CDH18: variants seen among roughly 807,000 people sequenced by gnomAD.
CDH18 encodes the protein cadherin 18.
A neutral mutation model predicts 67.9 loss-of-function variants in CDH18; 31 were observed. The ratio of observed to expected loss-of-function variants is 0.46; its 90% confidence interval spans 0.34 to 0.62. The LOEUF (loss-of-function observed/expected upper bound fraction) is 0.62, where lower values mean the gene tolerates loss of function less well. Ranked by LOEUF, CDH18 falls within the 20% of genes least tolerant of loss-of-function variation. The pLI is 0.01. For synonymous variants in CDH18, 362 were observed against 347.2 expected (o/e 1.04, Z -0.48); for missense variants, 890 against 975.5 (o/e 0.91, Z 1.17).
chr5:19,530,922 G>A (rs547999660), intron 9 of CDH18, among the ~76,000 whole-genome samples: 4 of 152,182 alleles, frequency 2.6e-5, no homozygotes, highest in East Asian at 1.9e-4. Context: ...GCAATGCCTC[G>A]CCCTGCTTCG....
rs894886651 is a variant in CDH18, at chr5:20,443,037, G to A, written c.-580+132425C>T. Among the ~76,000 whole-genome samples, 22 of 149,942 alleles carry A rather than the reference G, an allele frequency of 1.5e-4. 1 individual carries two copies. The highest frequency in any genetic ancestry group is 5.5e-4 in the African/African-American group (22 of 40,222). On this transcript the variant is annotated intron_variant, in intron 1 of 14. Coordinates refer to the CDH18 transcript ENST00000507958. ...ATCCCGGCTAAAACGGTGAAACCCCGTCTCTACTAAAAATACAAAAAAATT... is the reference window on the plus strand; with the variant it reads ...ATCCCGGCTAAAACGGTGAAACCCCATCTCTACTAAAAATACAAAAAAATT...
Position 20,143,830 on chromosome 5 carries a change from C to T in CDH18, c.-518+111614G>A, listed in dbSNP as rs552498908. 2.8e-3 allele frequency among the ~76,000 whole-genome samples: 422 copies of T among 152,154 alleles called. 2 individuals are homozygous for T. Among genetic ancestry groups the T allele is most frequent in the Admixed American group, 4.7e-3 (71 of 15,266 alleles). On this transcript the variant is annotated intron_variant, in intron 2 of 14. Transcript: ENST00000507958. ...ATTTTGGCTTATTCAGATCGCATAC[C>T]GTGGAAACAGGGCCAAGGATGCAGC... is the stretch of plus-strand genomic sequence containing the variant.
intron 5 of CDH18, among the ~76,000 whole-genome samples, chr5:19,719,139 C>T (rs1308721246): frequency 1.3e-5 from 2 of 151,908 alleles, no homozygotes; most frequent in Non-Finnish European, 2.9e-5. Flanking sequence ...GTTTGTTAAC[C>T]AATTGTATGC....
Position 19,755,427 on chromosome 5 carries a change from G to GTATACA in CDH18, c.229-8192_229-8191insTGTATA, listed in dbSNP as rs1373982305. 1.0e-3 allele frequency among the ~76,000 whole-genome samples: 45 copies of GTATACA among 44,674 alleles called. 2 individuals carry two copies. Among genetic ancestry groups the GTATACA allele is most frequent in the African/African-American group, 2.8e-3 (44 of 15,688 alleles). 29.3% of individuals were successfully genotyped at this position (44,674 alleles called of 152,430 possible). A position where few individuals can be genotyped will look rare whatever the true frequency, so the allele number is the denominator to read the frequency against. On this transcript the variant is annotated intron_variant, in intron 3 of 12. Coordinates refer to ENST00000382275, the MANE Select transcript of CDH18 (RefSeq NM_004934.5). ...TCTCTAGAGGGACAGAACTAACAGG[G>GTATACA]TATGTATATATATATATATATATAT...
chr5:19,983,065 C>T (rs991120374), intron 1 of CDH18, among the ~76,000 whole-genome samples: 9 of 144,560 alleles, frequency 6.2e-5, no homozygotes, highest in African/African-American at 1.3e-4. Flanking sequence ...AAATTAAAGA[C>T]ATAATGGAGA....
At chr5:19,733,134 C>T (rs2121491) in intron 4 of CDH18, among the ~76,000 whole-genome samples, 147,205 of 152,196 alleles carry the variant, frequency 0.97, 71,374 homozygotes, top group Middle Eastern at 1. Context: ...CAGGGGTGGG[C>T]ATCCCATGAA....
intron 2 of CDH18, among the ~76,000 whole-genome samples, chr5:19,913,321 G>A: frequency 6.6e-6 from 1 of 152,058 alleles, no homozygotes; most frequent in African/African-American, 2.4e-5. Context: ...CATATCTGTT[G>A]ATGTAATTGT....
chr5:20,195,375 T>G (rs1377513181), intron 2 of CDH18, among the ~76,000 whole-genome samples: 1 of 152,080 alleles, frequency 6.6e-6, no homozygotes. Context: ...GGGTATTACT[T>G]TTGTTCTCTC....
chr5:19,996,312 T>A (rs1222986781), intron 2 of CDH18, among the ~76,000 whole-genome samples: 1 of 152,110 alleles, frequency 6.6e-6, no homozygotes, highest in Non-Finnish European at 1.5e-5. Flanking sequence ...ATATTTTCAG[T>A]AAATTATCAG....
At chr5:19,539,342 T>C (rs566301665) in intron 9 of CDH18, among the ~76,000 whole-genome samples, 1 of 152,292 alleles carries the variant, frequency 6.6e-6, no homozygotes, top group Non-Finnish European at 1.5e-5. Flanking sequence ...ATACCTATAT[T>C]TTACCAAGTA....
At chr5:19,620,264 G>T (rs1471828480) in intron 5 of CDH18, among the ~76,000 whole-genome samples, 1 of 152,196 alleles carries the variant, frequency 6.6e-6, no homozygotes, top group Non-Finnish European at 1.5e-5. Context: ...TGTGAATTAA[G>T]AATTCCTTAA....
In CDH18 at chr5:19,744,181, ACT is replaced by A. The variant is rs370157834; in HGVS notation, c.523+2759_523+2760del. Among the ~76,000 whole-genome samples, 358 of 152,032 alleles carry A rather than the reference ACT, an allele frequency of 2.4e-3. 2 individuals carry two copies. The highest frequency in any genetic ancestry group is 7.8e-3 in the African/African-American group (325 of 41,474). ...TCAGCTTAAGGTTTCCCATAAAATAACTCTTTCAATAGAATCTTGCCTGAAAC... is the reference window on the plus strand; with the variant it reads ...TCAGCTTAAGGTTTCCCATAAAATAACTTTCAATAGAATCTTGCCTGAAAC... On this transcript the variant is annotated intron_variant, in intron 4 of 12. Transcript: ENST00000382275.
intron 1 of CDH18, among the ~76,000 whole-genome samples, chr5:20,575,060 A>C (rs1759042093): frequency 6.6e-6 from 1 of 152,118 alleles, no homozygotes; most frequent in Non-Finnish European, 1.5e-5. Flanking sequence ...ACTGATAGTT[A>C]ACACAGCAAT....
At chr5:20,116,614 A>C (rs1000489956) in intron 2 of CDH18, among the ~76,000 whole-genome samples, 4 of 152,180 alleles carry the variant, frequency 2.6e-5, no homozygotes, top group Non-Finnish European at 5.9e-5. Context: ...CAAATTAACC[A>C]CTTTCAATCT....
intron 1 of CDH18, among the ~76,000 whole-genome samples, chr5:20,518,786 T>C (rs1274553033): frequency 6.6e-6 from 1 of 152,174 alleles, no homozygotes; most frequent in Non-Finnish European, 1.5e-5. Flanking sequence ...AAAATCCATA[T>C]GCAGCAAGAG....
At chr5:20,492,193 A>G (rs1581102208) in intron 1 of CDH18, among the ~76,000 whole-genome samples, 1 of 151,982 alleles carries the variant, frequency 6.6e-6, no homozygotes, top group East Asian at 1.9e-4. Context: ...TTTTTTTGCC[A>G]GAATAAAACT....
At chr5:19,652,540 A>G (rs1755730171) in intron 5 of CDH18, among the ~76,000 whole-genome samples, 1 of 152,202 alleles carries the variant, frequency 6.6e-6, no homozygotes, top group Non-Finnish European at 1.5e-5. Flanking sequence ...AAAAAAAAGA[A>G]TTTAAGAATG....
chr5:19,537,314 G>A (rs753100457), intron 9 of CDH18, among the ~76,000 whole-genome samples: 61 of 152,084 alleles, frequency 4.0e-4, no homozygotes, highest in Non-Finnish European at 5.9e-4. Context: ...TTTGGGATGT[G>A]ATAGCTTCCA....
intron 2 of CDH18, among the ~76,000 whole-genome samples, chr5:19,849,987 A>G (rs1581638777): frequency 6.6e-6 from 1 of 151,770 alleles, no homozygotes; most frequent in Non-Finnish European, 1.5e-5. Context: ...TTTTTCTAAC[A>G]CAGGATTTAA....
Sources: allele counts gnomAD v4.1 joint callset (sites outside exome capture counted in the v4.1 genomes callset), GRCh38; gene constraint gnomAD v4.1.1; transcripts MANE v1.5; gene names NCBI Gene and HGNC (gene_info 2026-07-23, HGNC 2026-07-21).